The following SUPT3H variants were observed in gnomAD, a reference collection of about 807,000 sequenced individuals.
The protein encoded by SUPT3H is transcription initiation protein SPT3 homolog.
In SUPT3H, 44 loss-of-function variants were observed where a neutral mutation model predicts 44.3. The ratio of observed to expected loss-of-function variants is 0.99; its 90% CI spans 0.78 to 1.28. The LOEUF (loss-of-function observed/expected upper bound fraction) is 1.28, where lower values mean the gene tolerates loss of function less well. SUPT3H is among the 50% of genes most tolerant of loss of function. The pLI, the probability that SUPT3H is intolerant of heterozygous loss-of-function variation, is 0.00. For synonymous variants in SUPT3H, 124 were observed against 125.6 expected (o/e 0.99, Z 0.09); for missense variants, 380 against 387.1 (o/e 0.98, Z 0.15).
rs144529262 is a variant in SUPT3H at position 44,975,247 on chromosome 6, C to G, written c.505-13419G>C. 8.9e-3 allele frequency among the ~76,000 whole-genome samples: 1,358 copies of G among 152,248 alleles called. 13 individuals are homozygous for G. The highest frequency in any genetic ancestry group is 0.025 in the South Asian group (120 of 4,828). On this transcript the variant is annotated intron_variant, in intron 6 of 10. Coordinates refer to ENST00000371459, the MANE Select transcript of SUPT3H (RefSeq NM_003599.4). ...TCTGTAATTTATCTTCTTAGTTTCA[C>G]TCTCCCAGTTTATAAATATTTTAAA...
chr6:45,298,811 C>A (rs941056266), intron 2 of SUPT3H, among the ~76,000 whole-genome samples: 1 of 152,196 alleles, frequency 6.6e-6, no homozygotes, highest in African/African-American at 2.4e-5. Context: ...TATAGGAAAC[C>A]TTTCAAAGTA....
intron 5 of SUPT3H, among the ~76,000 whole-genome samples, chr6:45,005,366 C>A (rs1408003453): frequency 6.6e-6 from 1 of 152,124 alleles, no homozygotes; most frequent in Admixed American, 6.6e-5. Flanking sequence ...TTTTATATTA[C>A]CCCTTTGTTA....
intron 2 of SUPT3H, among the ~76,000 whole-genome samples, chr6:45,357,240 C>A (rs916155246): frequency 6.6e-6 from 1 of 152,154 alleles, no homozygotes; most frequent in South Asian, 2.1e-4. Flanking sequence ...ATCTCCTGAC[C>A]TTCTGACCCG....
intron 1 of SUPT3H, among the ~76,000 whole-genome samples, chr6:45,366,543 A>T (rs892346430): frequency 2.6e-5 from 4 of 152,224 alleles, no homozygotes; most frequent in African/African-American, 9.6e-5. Context: ...TTAAAGAAGA[A>T]AAAAGAATTC....
At chr6:44,811,528 G>C (rs1397797759) in intron 11 of SUPT3H, among the ~76,000 whole-genome samples, 1 of 152,244 alleles carries the variant, frequency 6.6e-6, no homozygotes, top group Non-Finnish European at 1.5e-5. Flanking sequence ...AGGGTTCTGA[G>C]TTAGAGTTGG....
At chr6:45,283,969 C>A (rs1389645311) in intron 2 of SUPT3H, among the ~76,000 whole-genome samples, 1 of 152,104 alleles carries the variant, frequency 6.6e-6, no homozygotes, top group East Asian at 1.9e-4. Context: ...AACGGAACAA[C>A]CTGCTCCTGA....
chr6:45,174,783 T>G (rs2153608377), intron 2 of SUPT3H, among the ~76,000 whole-genome samples: 1 of 152,248 alleles, frequency 6.6e-6, no homozygotes, highest in South Asian at 2.1e-4. Context: ...GAAATTCTGT[T>G]AGACTAAATT....
intron 10 of SUPT3H, among the ~76,000 whole-genome samples, chr6:44,870,925 T>C (rs1014933738): frequency 3.3e-5 from 5 of 151,476 alleles, no homozygotes; most frequent in South Asian, 4.2e-4. Context: ...CACCCGAATA[T>C]TGCGCTTTTC....
chr6:45,215,983 G>A (rs1764978526), intron 2 of SUPT3H, among the ~76,000 whole-genome samples: 1 of 152,184 alleles, frequency 6.6e-6, no homozygotes, highest in African/African-American at 2.4e-5. Context: ...TTTCTCAGGA[G>A]AAATCATGCA....
chr6:44,951,235 GT>G (rs74728368), intron 9 of SUPT3H, among the ~76,000 whole-genome samples: 5,539 of 136,564 alleles, frequency 0.041, 253 homozygotes, highest in African/African-American at 0.11. Context: ...ACTAGAGAAG[GT>G]TTTTTTTTTT....
chr6:44,823,412 T>C (rs1767500627), downstream of SUPT3H, among the ~76,000 whole-genome samples: 1 of 152,010 alleles, frequency 6.6e-6, no homozygotes, highest in African/African-American at 2.4e-5. Context: ...CAGATTGATT[T>C]TGCATACTGC....
intron 2 of SUPT3H, among the ~76,000 whole-genome samples, chr6:45,189,729 C>G (rs913096053): frequency 6.6e-6 from 1 of 152,132 alleles, no homozygotes; most frequent in African/African-American, 2.4e-5. Flanking sequence ...ATTTGTGAAA[C>G]AAACTAAGAG....
At chr6:44,821,476 G>A (rs541128508) in intron 11 of SUPT3H, among the ~76,000 whole-genome samples, 1 of 152,214 alleles carries the variant, frequency 6.6e-6, no homozygotes, top group South Asian at 2.1e-4. Context: ...TCTGAAACCT[G>A]CCCCTCTTTC....
chr6:45,009,853 G>A (rs1424778880), intron 5 of SUPT3H, among the ~76,000 whole-genome samples: 1 of 152,078 alleles, frequency 6.6e-6, no homozygotes. Context: ...ATGATTGGTA[G>A]AATCAGCGTA....
Position 45,129,259 on chromosome 6 carries a change from T to C in SUPT3H, c.102-23253A>G, listed in dbSNP as rs1055224006. Among the ~76,000 whole-genome samples, 164 of 152,320 alleles carry C rather than the reference T, an allele frequency of 1.1e-3. 2 individuals carry two copies. The highest frequency in any genetic ancestry group is 0.01 in the Middle Eastern group (3 of 294). On this transcript the variant is annotated intron_variant, in intron 2 of 10. Transcript: ENST00000371459. ...ATTCTCTTTGCATTGTTATGAAAAGTGCTATGTAAAAGACAACTATTTACT... is the reference window on the plus strand; with the variant it reads ...ATTCTCTTTGCATTGTTATGAAAAGCGCTATGTAAAAGACAACTATTTACT...
At chr6:45,196,603 A>C (rs2153622318) in intron 2 of SUPT3H, among the ~76,000 whole-genome samples, 1 of 152,148 alleles carries the variant, frequency 6.6e-6, no homozygotes, top group South Asian at 2.1e-4. Context: ...TTCTTTGGTT[A>C]TGTTTAGCAT....
chr6:45,055,322 C>T (rs1297923941), intron 3 of SUPT3H, among the ~76,000 whole-genome samples: 2 of 152,002 alleles, frequency 1.3e-5, no homozygotes, highest in Non-Finnish European at 2.9e-5. Context: ...AAAAACAATC[C>T]TAAATTTCAT....
intron 2 of SUPT3H, among the ~76,000 whole-genome samples, chr6:45,194,388 T>C (rs1815664472): frequency 6.6e-6 from 1 of 152,078 alleles, no homozygotes; most frequent in Admixed American, 6.6e-5. Flanking sequence ...CTATTATATA[T>C]CTACAAATAT....
chr6:45,199,715 T>C (rs1369450157), intron 2 of SUPT3H, among the ~76,000 whole-genome samples: 2 of 151,400 alleles, frequency 1.3e-5, no homozygotes, highest in Non-Finnish European at 3.0e-5. Context: ...ATTTTCTGTT[T>C]CTCTGTGGGT....
Sources: gnomAD v4.1 joint callset for allele counts (sites outside exome capture counted in the v4.1 genomes callset) on GRCh38, gnomAD v4.1.1 for gene constraint, MANE v1.5 for transcripts, NCBI Gene and HGNC (gene_info 2026-07-23, HGNC 2026-07-21) for gene names.